The following CASP4 variants were observed in gnomAD, a reference collection of about 807,000 sequenced individuals.
The protein encoded by CASP4 is caspase 4, also known as caspase-4.
A neutral mutation model predicts 41.3 loss-of-function variants in CASP4; 29 were observed. The ratio of observed to expected loss-of-function variants is 0.70; its 90% CI spans 0.52 to 0.96. The LOEUF (loss-of-function observed/expected upper bound fraction) is 0.96. CASP4 is among the 40% of genes least tolerant of loss of function. The pLI, the probability that CASP4 is intolerant of heterozygous loss-of-function variation, is 0.00. For missense variants in CASP4, 447 were observed against 460.6 expected (o/e 0.97, Z 0.27); for synonymous variants, 185 against 158.4 (o/e 1.17, Z -1.26).
At chr11:104,967,108 A>T (rs1300817811) in intron 1 of CASP4, among the ~76,000 whole-genome samples, 2 of 152,228 alleles carry the variant, frequency 1.3e-5, no homozygotes, top group African/African-American at 4.8e-5. Flanking sequence ...AGGCAAAGTG[A>T]TGTAATGCTT....
chr11:104,967,614 A>C (rs760986886), intron 1 of CASP4, among the ~76,000 whole-genome samples: 1 of 152,216 alleles, frequency 6.6e-6, no homozygotes, highest in Non-Finnish European at 1.5e-5. Context: ...ACCTATGTCA[A>C]GTCAGTTTCA....
chr11:104,951,710 C>A, intron 3 of CASP4, 186 bp downstream of exon 3: 1 of 639,758 alleles, frequency 1.6e-6, no homozygotes, highest in South Asian at 1.7e-5. Flanking sequence ...AAATGATCTG[C>A]ATCATGGATT....
chr11:104,945,536 G>A (rs900059168), intron 7 of CASP4, among the ~76,000 whole-genome samples: 13 of 152,074 alleles, frequency 8.5e-5, no homozygotes, highest in African/African-American at 1.4e-4. Flanking sequence ...GATTACAGGC[G>A]TGAGCCACCG....
At position 104,952,193 on chromosome 11, in the gene CASP4, C is replaced by T. The variant is rs1036276365; in HGVS notation, c.263-188G>A. 8 of 558,478 alleles carry T rather than the reference C, an allele frequency of 1.4e-5. No homozygotes were observed. In the African/African-American group the frequency reaches 1.5e-4, roughly 10 times the overall value. The allele number at this position is 558,478 out of a possible 1,614,324, so 34.6% of individuals were successfully genotyped here. Reference sequence around the variant, plus strand: ...TGGAAAAGATAGAAAAGCAGATCCACCCAAACATGTAATCATATATTCTGA... The same window carrying T: ...TGGAAAAGATAGAAAAGCAGATCCATCCAAACATGTAATCATATATTCTGA... On this transcript the variant is annotated intron_variant, in intron 2 of 8. Coordinates refer to ENST00000444739, the MANE Select transcript of CASP4 (RefSeq NM_001225.4).
At chr11:104,961,516 G>A (rs905398863) in intron 1 of CASP4, among the ~76,000 whole-genome samples, 3 of 152,188 alleles carry the variant, frequency 2.0e-5, no homozygotes, top group South Asian at 2.1e-4. Context: ...CAGGGTGTCT[G>A]TAGCCCCATT....
intron 1 of CASP4, chr11:104,956,756 T>C (rs1287825443): frequency 2.7e-6 from 1 of 373,232 alleles, no homozygotes; most frequent in African/African-American, 2.2e-5. Context: ...TGCAACACAG[T>C]GTGATTTGCA....
intron 7 of CASP4, chr11:104,946,560 G>A (rs1452123158): frequency 1.3e-5 from 2 of 152,160 alleles, no homozygotes; most frequent in Non-Finnish European, 2.9e-5. Flanking sequence ...CTTTCCTTCT[G>A]CACTTTTTTA....
intron 1 of CASP4, among the ~76,000 whole-genome samples, chr11:104,967,668 G>A (rs1033831994): frequency 3.9e-5 from 6 of 152,136 alleles, no homozygotes; most frequent in Non-Finnish European, 8.8e-5. Context: ...ATGCCTGCAG[G>A]GTATTTAAGA....
At chr11:104,951,434 CAA>C in intron 3 of CASP4, 1 of 254,442 alleles carries the variant, frequency 3.9e-6, no homozygotes, top group South Asian at 6.9e-5. Context: ...ATGAATACAG[CAA>C]AAGTCTTTGC....
chr11:104,944,963 A>C (rs1591124048), intron 7 of CASP4, 112 bp from the exon 8 acceptor site: 2 of 746,390 alleles, frequency 2.7e-6, no homozygotes, highest in Non-Finnish European at 4.7e-6. Flanking sequence ...CAGGTTTCAT[A>C]GAACCAAGCC....
chr11:104,957,652 A>G (rs2134650170), intron 1 of CASP4, among the ~76,000 whole-genome samples: 1 of 152,304 alleles, frequency 6.6e-6, no homozygotes, highest in South Asian at 2.1e-4. Flanking sequence ...ATAAGTAGAA[A>G]TGTATTTTGA....
intron 5 of CASP4, 59 bp from the exon 6 acceptor site, chr11:104,948,735 T>C (rs1860528277): frequency 4.1e-6 from 6 of 1,470,042 alleles, no homozygotes; most frequent in Admixed American, 4.1e-5. Flanking sequence ...GCTGTCACAG[T>C]TGCCCACCTT....
intron 1 of CASP4, among the ~76,000 whole-genome samples, chr11:104,964,546 C>T (rs1274595716): frequency 6.6e-6 from 1 of 152,180 alleles, no homozygotes. Flanking sequence ...TCTTTTGTAA[C>T]ATGACACAAT....
chr11:104,965,485 G>GGAT (rs1180322363), intron 1 of CASP4, among the ~76,000 whole-genome samples: 3 of 152,156 alleles, frequency 2.0e-5, no homozygotes, highest in Non-Finnish European at 4.4e-5. Context: ...CCAAACAGAG[G>GGAT]GATTGAAACT....
chr11:104,961,792 T>C (rs1042613447), intron 1 of CASP4, among the ~76,000 whole-genome samples: 2 of 152,180 alleles, frequency 1.3e-5, no homozygotes, highest in Non-Finnish European at 2.9e-5. Context: ...TCAGAAGGAA[T>C]TGCTGAAGGA....
At chr11:104,950,781 G>A (rs1860588607) in intron 4 of CASP4, 144 bp downstream of exon 4, 3 of 440,648 alleles carry the variant, frequency 6.8e-6, no homozygotes, top group Middle Eastern at 6.1e-4. Context: ...TACCAGTCTA[G>A]TACTCTTATT....
chr11:104,955,245 T>TC (rs1860712337), intron 1 of CASP4, among the ~76,000 whole-genome samples: 1 of 152,104 alleles, frequency 6.6e-6, no homozygotes, highest in African/African-American at 2.4e-5. Flanking sequence ...TTTTAGCTTC[T>TC]CAACTTCCTT....
At chr11:104,952,956 A>T (rs1860651410) in intron 2 of CASP4, among the ~76,000 whole-genome samples, 1 of 152,172 alleles carries the variant, frequency 6.6e-6, no homozygotes, top group East Asian at 1.9e-4. Context: ...CCCTGGTCAG[A>T]GGGTATGTTT....
At chr11:104,959,512 A>G (rs1156420227) in intron 1 of CASP4, among the ~76,000 whole-genome samples, 1 of 152,240 alleles carries the variant, frequency 6.6e-6, no homozygotes, top group Non-Finnish European at 1.5e-5. Context: ...GATGGCATCC[A>G]TTATATGCTT....
Sources: allele counts gnomAD v4.1 joint callset (sites outside exome capture counted in the v4.1 genomes callset), GRCh38; gene constraint gnomAD v4.1.1; transcripts MANE v1.5; gene names NCBI Gene and HGNC (gene_info 2026-07-23, HGNC 2026-07-21).